The following DIP2C variants were observed in gnomAD, a reference collection of about 807,000 sequenced individuals.
DIP2C encodes the protein disco-interacting protein 2 homolog C.
DIP2C carries 33 observed loss-of-function variants against 192.4 expected under a neutral mutation model. The observed-to-expected ratio is 0.17, with a 90% CI of 0.13 to 0.23. The LOEUF is 0.23. Among genes scored for constraint, DIP2C ranks in the 10% least tolerant of loss-of-function variants. The pLI, the probability that DIP2C is intolerant of heterozygous loss-of-function variation, is 1.00. For synonymous variants in DIP2C, 979 were observed against 864.1 expected (o/e 1.13, Z -2.33); for missense variants, 1,537 against 2,110.1 (o/e 0.73, Z 5.32).
intron 7 of DIP2C, 84 bp downstream of exon 7, chr10:415,684 TA>T (rs1965581791): frequency 1.3e-6 from 2 of 1,554,642 alleles, no homozygotes; most frequent in Non-Finnish European, 1.7e-6. Flanking sequence ...TCTTAAAAAG[TA>T]AAATAGCCTT....
intron 1 of DIP2C, among the ~76,000 whole-genome samples, chr10:614,006 T>TTC (rs1853273926): frequency 6.6e-6 from 1 of 152,200 alleles, no homozygotes; most frequent in African/African-American, 2.4e-5. Flanking sequence ...GGCATTATCC[T>TTC]AAACCAGTGC....
intron 1 of DIP2C, among the ~76,000 whole-genome samples, chr10:587,409 A>G (rs1480829411): frequency 6.6e-6 from 1 of 152,216 alleles, no homozygotes; most frequent in Non-Finnish European, 1.5e-5. Flanking sequence ...GCGTCAGCAC[A>G]CGGATTGCTG....
intron 29 of DIP2C, among the ~76,000 whole-genome samples, chr10:339,078 G>A (rs1481318668): frequency 2.0e-5 from 3 of 151,900 alleles, no homozygotes; most frequent in East Asian, 1.9e-4. Flanking sequence ...TACACTCTTA[G>A]GAGCACAGCC....
chr10:574,351 C>T (rs1430050673), intron 1 of DIP2C, among the ~76,000 whole-genome samples: 2 of 152,212 alleles, frequency 1.3e-5, no homozygotes. Context: ...GTTAGAATAA[C>T]CATTCCATTA....
At chr10:340,965 G>T (rs1466524601) in intron 29 of DIP2C, 2 of 644,420 alleles carry the variant, frequency 3.1e-6, no homozygotes, top group South Asian at 3.0e-5. Flanking sequence ...GTCCGCAACA[G>T]ACGGCTCTCC....
intron 1 of DIP2C, among the ~76,000 whole-genome samples, chr10:597,255 C>G (rs542676181): frequency 7.0e-4 from 106 of 152,298 alleles, no homozygotes; most frequent in Non-Finnish European, 1.4e-3. Flanking sequence ...CTTCTCAAGC[C>G]TTTGAGCCAC....
chr10:486,160 T>G (rs1054360682), intron 2 of DIP2C, among the ~76,000 whole-genome samples: 1 of 152,264 alleles, frequency 6.6e-6, no homozygotes, highest in Non-Finnish European at 1.5e-5. Context: ...CCAAATATGT[T>G]GAAATCACTA....
intron 1 of DIP2C, among the ~76,000 whole-genome samples, chr10:544,657 GTTTTCA>G (rs1035749376): frequency 2.0e-5 from 3 of 152,104 alleles, no homozygotes; most frequent in Non-Finnish European, 4.4e-5. Context: ...TCTCACGGTG[GTTTTCA>G]TTTTCATTTC....
chr10:590,711 C>A (rs75364629), intron 1 of DIP2C, among the ~76,000 whole-genome samples: 1 of 152,202 alleles, frequency 6.6e-6, no homozygotes, highest in African/African-American at 2.4e-5. Flanking sequence ...CATATCTTCA[C>A]TTACCTAGTG....
chr10:513,651 G>A (rs569929274), intron 1 of DIP2C, among the ~76,000 whole-genome samples: 113 of 152,108 alleles, frequency 7.4e-4, no homozygotes, highest in African/African-American at 2.7e-3. Flanking sequence ...TAACCAAGAA[G>A]GAAATGAAAA....
At chr10:582,894 G>A (rs1055280511) in intron 1 of DIP2C, among the ~76,000 whole-genome samples, 1 of 152,166 alleles carries the variant, frequency 6.6e-6, no homozygotes, top group Non-Finnish European at 1.5e-5. Context: ...CAAAACAATA[G>A]AAGGAAGGTA....
intron 5 of DIP2C, among the ~76,000 whole-genome samples, chr10:420,626 G>A (rs1276045754): frequency 6.6e-6 from 1 of 152,218 alleles, no homozygotes; most frequent in East Asian, 1.9e-4. Context: ...AGTGGAAAAA[G>A]AAAACTAGAA....
At chr10:370,952 A>G (rs1029334202) in intron 17 of DIP2C, among the ~76,000 whole-genome samples, 12 of 152,252 alleles carry the variant, frequency 7.9e-5, no homozygotes, top group African/African-American at 2.9e-4. Flanking sequence ...TAGATGTAAG[A>G]ATCAAAAAGG....
At chr10:345,379 G>C (rs887558758) in intron 26 of DIP2C, among the ~76,000 whole-genome samples, 6 of 151,978 alleles carry the variant, frequency 3.9e-5, no homozygotes, top group Non-Finnish European at 5.9e-5. Flanking sequence ...GCAGAAAAGA[G>C]CTCACTGCTC....
intron 4 of DIP2C, among the ~76,000 whole-genome samples, chr10:425,450 T>C (rs920817573): frequency 1.4e-5 from 2 of 147,664 alleles, no homozygotes; most frequent in East Asian, 2.0e-4. Context: ...ACACGGATGA[T>C]ACAGCATGAC....
chr10:621,416 GTC>G (rs2131837027), intron 1 of DIP2C, among the ~76,000 whole-genome samples: 1 of 142,030 alleles, frequency 7.0e-6, no homozygotes, highest in Admixed American at 7.0e-5. Flanking sequence ...GTGCTCACGA[GTC>G]TGCCAATATG....
rs1289878976 is a variant in DIP2C at position 632,380 on chromosome 10, G to A, written c.85+57114C>T. On this transcript the variant is annotated intron_variant, in intron 1 of 36. Transcript: ENST00000280886. ...CCAGCACCGTAACTGGAGACCATGC[G>A]GGCACCGGTGTGAACCCAGACTCCA... Among the ~76,000 whole-genome samples the A allele has an allele frequency of 6.0e-5, 9 of 150,910 alleles. 1 individual carries two copies. The East Asian group carries it at 1.2e-3, about 20-fold the overall frequency.
At chr10:301,541 G>T (rs978625669) in intron 32 of DIP2C, among the ~76,000 whole-genome samples, 2 of 152,194 alleles carry the variant, frequency 1.3e-5, no homozygotes, top group Non-Finnish European at 2.9e-5. Flanking sequence ...ACGGCAAAGT[G>T]AAAGAAGAAA....
At chr10:277,822 T>A (rs1954594380) in intron 36 of DIP2C, among the ~76,000 whole-genome samples, 1 of 152,086 alleles carries the variant, frequency 6.6e-6, no homozygotes, top group South Asian at 2.1e-4. Context: ...TGTTTCACCA[T>A]CTTCCCGAGT....
Sources: allele counts gnomAD v4.1 joint callset (sites outside exome capture counted in the v4.1 genomes callset), GRCh38; gene constraint gnomAD v4.1.1; transcripts MANE v1.5; gene names NCBI Gene and HGNC (gene_info 2026-07-23, HGNC 2026-07-21).